Variants in TGFBRAP1 observed in about 807,000 individuals in gnomAD.
TGFBRAP1 encodes the protein transforming growth factor beta receptor associated protein 1, also known as transforming growth factor-beta receptor-associated protein 1.
In TGFBRAP1, 20 loss-of-function variants were observed where a neutral mutation model predicts 83.2. The ratio of observed to expected loss-of-function variants is 0.24; its 90% CI spans 0.17 to 0.35. The LOEUF is 0.35. TGFBRAP1 is among the 10% of genes least tolerant of loss of function. The pLI is 1.00. For synonymous variants in TGFBRAP1, 415 were observed against 459.8 expected, an observed-to-expected ratio of 0.90 and a Z score of 1.25; for missense variants, 950 against 1,099.4, an observed-to-expected ratio of 0.86 and a Z score of 1.92.
intron 2 of TGFBRAP1, among the ~76,000 whole-genome samples, chr2:105,304,084 T>C (rs1233003132): frequency 1.3e-5 from 2 of 152,202 alleles, no homozygotes; most frequent in African/African-American, 2.4e-5. Flanking sequence ...ACATCGATTA[T>C]GGTGTATGCT....
At chr2:105,273,204 A>G (rs7603963) in intron 9 of TGFBRAP1, among the ~76,000 whole-genome samples, 190 bp from the exon 10 acceptor site, 1,849 of 152,282 alleles carry the variant, frequency 0.012, 49 homozygotes, top group African/African-American at 0.043. Flanking sequence ...TGGGGAATAG[A>G]ACAAAATGTC....
intron 10 of TGFBRAP1, 104 bp downstream of exon 10, chr2:105,272,751 T>C: frequency 7.0e-7 from 1 of 1,428,746 alleles, no homozygotes; most frequent in Non-Finnish European, 9.5e-7. Context: ...AGAATCACCC[T>C]GTGCAATCAA....
At chr2:105,327,082 CTTTAATGTAT>C (rs753928760) in intron 1 of TGFBRAP1, among the ~76,000 whole-genome samples, 3 of 152,130 alleles carry the variant, frequency 2.0e-5, no homozygotes, top group Non-Finnish European at 4.4e-5. Flanking sequence ...CAAATGACTA[CTTTAATGTAT>C]TTCTAATGAG....
At chr2:105,328,493 G>C (rs1459082967) in intron 1 of TGFBRAP1, among the ~76,000 whole-genome samples, 3 of 152,206 alleles carry the variant, frequency 2.0e-5, no homozygotes, top group African/African-American at 7.2e-5. Flanking sequence ...TTGTCTGCCA[G>C]CTTCCGGCTG....
rs1198750845 is a variant in TGFBRAP1, at chr2:105,269,973, A to C, written c.1973-268T>G. Among the ~76,000 whole-genome samples the C allele has an allele frequency of 6.6e-6, 1 of 152,164 alleles. No homozygotes were observed. Among genetic ancestry groups the C allele is most frequent in the Admixed American group, 6.5e-5 (1 of 15,274 alleles). On this transcript the variant is annotated intron_variant, in intron 10 of 11. Coordinates refer to ENST00000393359, the MANE Select transcript of TGFBRAP1 (RefSeq NM_004257.6). This position sits in a 1 kb window ranked among gnomAD's most constrained non-coding sequence, Gnocchi z 4.1. ...CCTTTCTCTAGTGTTCAGAGGATGA[A>C]AAGAACAAATGAACCACAACTACAG...
In TGFBRAP1 at chr2:105,314,441, A is replaced by G. The variant is rs1489762433; in HGVS notation, c.-17-6123T>C. 4.0e-5 allele frequency among the ~76,000 whole-genome samples: 6 copies of G among 151,028 alleles called. No homozygotes were observed. In the East Asian group the frequency reaches 1.2e-3, roughly 30 times the overall value. On this transcript the variant is annotated intron_variant, in intron 1 of 11. Transcript: ENST00000393359. ...AATTTTTTGTATTTTTAGTAGAGAC[A>G]GGGTTTCACCGTGTTAGCCAGGATG... is the stretch of plus-strand genomic sequence containing the variant.
At chr2:105,296,579 C>T (rs1313053999) in intron 3 of TGFBRAP1, 69 bp from the exon 4 acceptor site, 12 of 1,534,026 alleles carry the variant, frequency 7.8e-6, no homozygotes, top group Non-Finnish European at 1.1e-5. Flanking sequence ...CACTGCTTTC[C>T]CCAAACTGGA....
intron 1 of TGFBRAP1, among the ~76,000 whole-genome samples, chr2:105,317,649 T>C (rs553324664): frequency 4.8e-4 from 73 of 152,238 alleles, no homozygotes; most frequent in African/African-American, 1.5e-3. Context: ...AATTCTCCCA[T>C]GTGAAAATGT....
At chr2:105,294,113 C>T (rs552476355) in intron 4 of TGFBRAP1, among the ~76,000 whole-genome samples, 1 of 152,198 alleles carries the variant, frequency 6.6e-6, no homozygotes, top group Non-Finnish European at 1.5e-5. Flanking sequence ...GCTGATCTGC[C>T]ATGTCTTGTC....
At chr2:105,275,260 C>T (rs1677298386) in intron 8 of TGFBRAP1, among the ~76,000 whole-genome samples, 1 of 152,222 alleles carries the variant, frequency 6.6e-6, no homozygotes, top group Admixed American at 6.5e-5. Flanking sequence ...TTCACAGACA[C>T]AAGTTCTTAA....
chr2:105,306,070 T>TGG (rs1295353105), intron 2 of TGFBRAP1, among the ~76,000 whole-genome samples: 1 of 77,554 alleles, frequency 1.3e-5, no homozygotes, highest in Non-Finnish European at 3.2e-5. Context: ...TGTTTTTTGT[T>TGG]TTTTTTTTTT....
rs1425325295 is a variant in TGFBRAP1, at chr2:105,307,804, A to G, written c.498T>C (p.Thr166=). The G allele has an allele frequency of 6.2e-7, 1 of 1,614,192 alleles. No homozygotes were observed. The highest frequency in any genetic ancestry group is 1.7e-5 in the Admixed American group (1 of 60,022). The change falls in exon 2 of 12, where the codon ACT becomes ACC. Residue 166 remains threonine (T), a synonymous_variant. Transcript: ENST00000393359. ...DRVQIVKEVS[T]AEQPLAVAVD... is the part of the protein sequence containing the mutation. Reference sequence around the variant, plus strand: ...CAGCCACAGCGAGGGGCTGCTCGGCAGTCGACACCTCCTTGACGATCTGCA... The same window carrying G: ...CAGCCACAGCGAGGGGCTGCTCGGCGGTCGACACCTCCTTGACGATCTGCA...
At chr2:105,290,615 CAGTGTGTGTGTGTGTG>C (rs1489476708) in intron 4 of TGFBRAP1, among the ~76,000 whole-genome samples, 115 of 103,864 alleles carry the variant, frequency 1.1e-3, no homozygotes, top group Non-Finnish European at 2.1e-3. Context: ...AACAGAGAGA[CAGTGTGTGTGTGTGTG>C]TGTGTGTGTG....
intron 1 of TGFBRAP1, 60 bp downstream of exon 1, chr2:105,329,565 G>A (rs1383269975): frequency 7.3e-6 from 1 of 136,126 alleles, no homozygotes; most frequent in Non-Finnish European, 1.6e-5. Context: ...CCGCCCTCCT[G>A]CCCCACGCGC....
chr2:105,289,087 T>C (rs1430828996), intron 4 of TGFBRAP1, among the ~76,000 whole-genome samples: 1 of 151,998 alleles, frequency 6.6e-6, no homozygotes, highest in African/African-American at 2.4e-5. Flanking sequence ...AAGCCTGCAA[T>C]GGACACATTC....
the TGFBRAP1 span, among the ~76,000 whole-genome samples, chr2:105,258,709 C>T: frequency 3.3e-5 from 5 of 149,530 alleles, no homozygotes; most frequent in South Asian, 6.5e-4. Context: ...CTCAATCACA[C>T]GCCCTTTCTC....
chr2:105,294,678 C>T (rs570470101), intron 4 of TGFBRAP1, among the ~76,000 whole-genome samples: 13 of 151,866 alleles, frequency 8.6e-5, no homozygotes, highest in African/African-American at 3.1e-4. Context: ...AGAAAAGAAA[C>T]AAACAAACAA....
At chr2:105,296,559 C>A (rs1678096458) in intron 3 of TGFBRAP1, 49 bp from the exon 4 acceptor site, 12 of 1,569,672 alleles carry the variant, frequency 7.6e-6, no homozygotes, top group Non-Finnish European at 9.5e-6. Flanking sequence ...ACACTGCCTG[C>A]AAAAAAACAC....
At chr2:105,303,986 T>C (rs2104386702) in intron 2 of TGFBRAP1, among the ~76,000 whole-genome samples, 1 of 152,256 alleles carries the variant, frequency 6.6e-6, no homozygotes, top group East Asian at 1.9e-4. Context: ...GATCAATCAA[T>C]TGCAATGTAT....
Sources: allele counts gnomAD v4.1 joint callset (sites outside exome capture counted in the v4.1 genomes callset), GRCh38; gene constraint gnomAD v4.1.1; non-coding constraint Gnocchi (gnomAD v3.1); transcripts MANE v1.5; gene names NCBI Gene and HGNC (gene_info 2026-07-23, HGNC 2026-07-21).